CEP85L: variants seen among roughly 807,000 people sequenced by gnomAD.
CEP85L encodes the protein centrosomal protein of 85 kDa-like.
CEP85L carries 60 observed loss-of-function variants against 100.3 expected under a neutral mutation model. That is an observed-to-expected ratio of 0.60 (90% CI 0.49 to 0.74). CEP85L has a LOEUF of 0.74. Ranked by LOEUF, CEP85L falls within the 30% of genes least tolerant of loss-of-function variation. The pLI is 0.00. For missense variants in CEP85L, 973 were observed against 936.2 expected, an observed-to-expected ratio of 1.04 and a Z score of -0.51; for synonymous variants, 319 against 322.7, an observed-to-expected ratio of 0.99 and a Z score of 0.12.
At position 118,469,255 on chromosome 6, in the gene CEP85L, C is replaced by G; in HGVS notation, c.2071G>C (p.Glu691Gln). 6.2e-7 allele frequency: 1 copy of G among 1,613,990 alleles called. No homozygotes were observed. Among genetic ancestry groups the G allele is most frequent in the Non-Finnish European group, 8.5e-7 (1 of 1,179,936 alleles). Residue 691 changes from glutamate (E) to glutamine (Q), a missense_variant, in exon 12 of 13, where the codon GAA becomes CAA. Physicochemically the swap from Glu to Gln is conservative, Grantham distance 29 (BLOSUM62 2). Around this residue, in one of 3 missense-constraint regions of CEP85L, gnomAD observed 890 missense variants for 844.5 expected, o/e 1.05. Transcript: ENST00000368491. Reference protein sequence around the residue: ...ETCSLLDQGQEPDQSRQQTVL... With the variant: ...ETCSLLDQGQQPDQSRQQTVL... ...GTCTGCTGCCTAGATTGGTCAGGTT[C>G]CTGGCCCTGATCCAATAAAGAGCAT...
chr6:118,594,072 T>TA (rs1781335898), intron 2 of CEP85L, among the ~76,000 whole-genome samples: 2 of 152,060 alleles, frequency 1.3e-5, no homozygotes. Flanking sequence ...TCGCCTATCG[T>TA]AACGCTCCTA....
chr6:118,602,080 T>C (rs574122009), intron 2 of CEP85L, among the ~76,000 whole-genome samples: 12 of 152,114 alleles, frequency 7.9e-5, no homozygotes, highest in Non-Finnish European at 1.5e-4. Flanking sequence ...GAACCCTTAA[T>C]CCTAATGATT....
intron 2 of CEP85L, among the ~76,000 whole-genome samples, chr6:118,614,160 GACA>G (rs745690410): frequency 6.6e-6 from 1 of 152,014 alleles, no homozygotes; most frequent in Admixed American, 6.6e-5. Context: ...AAAAAAAATT[GACA>G]ACATCTAATA....
chr6:118,511,273 G>T (rs1313021350), intron 5 of CEP85L, 25 bp downstream of exon 5: 3 of 1,426,148 alleles, frequency 2.1e-6, no homozygotes, highest in Admixed American at 1.7e-5. Flanking sequence ...TACTAAAACA[G>T]CTACAAAATC....
At chr6:118,628,307 T>G (rs1211396509) in intron 2 of CEP85L, among the ~76,000 whole-genome samples, 1 of 152,036 alleles carries the variant, frequency 6.6e-6, no homozygotes, top group Non-Finnish European at 1.5e-5. Context: ...ATTGAAAAAG[T>G]AGACATCTTC....
chr6:118,661,684 T>C (rs1246303868), intron 1 of CEP85L, among the ~76,000 whole-genome samples: 1 of 152,102 alleles, frequency 6.6e-6, no homozygotes, highest in Non-Finnish European at 1.5e-5. Flanking sequence ...ATAATGTAAA[T>C]ATATTATTAG....
At chr6:118,519,432 C>G (rs996885767) in intron 4 of CEP85L, among the ~76,000 whole-genome samples, 36 of 23,968 alleles carry the variant, frequency 1.5e-3, no homozygotes, top group African/African-American at 6.5e-3. Flanking sequence ...GAGCAAAACT[C>G]TGTGTGTGTG....
chr6:118,475,576 G>A (rs1425646101), intron 10 of CEP85L, among the ~76,000 whole-genome samples: 2 of 151,768 alleles, frequency 1.3e-5, no homozygotes, highest in East Asian at 1.9e-4. Context: ...GGATGGTCTC[G>A]ATCTCCTAAC....
At chr6:118,502,026 AAAACCAGATGGAAC>A (rs1306060872) in intron 5 of CEP85L, 5 of 837,870 alleles carry the variant, frequency 6.0e-6, no homozygotes, top group Non-Finnish European at 9.9e-6. Context: ...TTGAAAGAAG[AAAACCAGATGGAAC>A]AAGAAGACTG....
At chr6:118,561,061 C>T (rs543709182) in intron 3 of CEP85L, among the ~76,000 whole-genome samples, 4 of 152,048 alleles carry the variant, frequency 2.6e-5, no homozygotes, top group Non-Finnish European at 5.9e-5. Flanking sequence ...GTGAAGGAGA[C>T]ACTATTAAAT....
At chr6:118,488,087 T>A (rs759995481) in intron 6 of CEP85L, among the ~76,000 whole-genome samples, 22 of 152,132 alleles carry the variant, frequency 1.4e-4, no homozygotes, top group Non-Finnish European at 2.6e-4. Flanking sequence ...GGTCTTCTCC[T>A]GTATAAGGCT....
intron 2 of CEP85L, among the ~76,000 whole-genome samples, chr6:118,597,315 CT>C (rs1781507371): frequency 2.6e-5 from 4 of 152,172 alleles, no homozygotes; most frequent in Non-Finnish European, 5.9e-5. Context: ...CTAATCATGC[CT>C]TAAACTCAGG....
At chr6:118,470,326 A>G (rs1772852565) in intron 11 of CEP85L, among the ~76,000 whole-genome samples, 1 of 152,076 alleles carries the variant, frequency 6.6e-6, no homozygotes, top group Admixed American at 6.6e-5. Context: ...ATAAATATAT[A>G]CTGTACTATA....
intron 10 of CEP85L, among the ~76,000 whole-genome samples, chr6:118,471,198 T>C (rs969862617): frequency 2.0e-5 from 3 of 152,074 alleles, no homozygotes; most frequent in African/African-American, 7.2e-5. Context: ...GCTAATCTCC[T>C]TCTTACTCCT....
chr6:118,579,717 A>T (rs1433467129), intron 2 of CEP85L, among the ~76,000 whole-genome samples: 1 of 152,252 alleles, frequency 6.6e-6, no homozygotes, highest in African/African-American at 2.4e-5. Flanking sequence ...CCTATGTTAT[A>T]GGAGTTATTA....
chr6:118,557,353 T>C (rs1778937731), intron 3 of CEP85L, among the ~76,000 whole-genome samples: 1 of 152,184 alleles, frequency 6.6e-6, no homozygotes, highest in Non-Finnish European at 1.5e-5. Flanking sequence ...AAAGAAACTA[T>C]ATGTTAGAAC....
At chr6:118,523,249 C>T (rs1776767967) in intron 4 of CEP85L, among the ~76,000 whole-genome samples, 1 of 152,160 alleles carries the variant, frequency 6.6e-6, no homozygotes. Context: ...GCTCACAATA[C>T]TCAGGAGACT....
intron 2 of CEP85L, among the ~76,000 whole-genome samples, chr6:118,622,222 T>C (rs1021165781): frequency 6.6e-6 from 1 of 152,220 alleles, no homozygotes; most frequent in Non-Finnish European, 1.5e-5. Flanking sequence ...CTACTCATGA[T>C]GTAAGTGGCA....
At chr6:118,622,439 G>T (rs1161411579) in intron 2 of CEP85L, among the ~76,000 whole-genome samples, 1 of 152,268 alleles carries the variant, frequency 6.6e-6, no homozygotes, top group East Asian at 1.9e-4. Flanking sequence ...TCTCTTAGAA[G>T]TTCCTTTAAC....
Sources: gnomAD v4.1 joint callset for allele counts (sites outside exome capture counted in the v4.1 genomes callset) on GRCh38, gnomAD v4.1.1 for gene constraint, gnomAD v4.1.1 regional missense constraint, MANE v1.5 for transcripts, NCBI Gene and HGNC (gene_info 2026-07-23, HGNC 2026-07-21) for gene names.